The following IRF4 variants were observed in gnomAD, a reference collection of about 807,000 sequenced individuals.
The protein encoded by IRF4 is interferon regulatory factor 4, also known as lymphocyte-specific interferon regulatory factor.
In IRF4, 13 loss-of-function variants were observed where a neutral mutation model predicts 55.5. The ratio of observed to expected loss-of-function variants is 0.23; its 90% CI spans 0.15 to 0.37. The LOEUF is 0.37. Among genes scored for constraint, IRF4 ranks in the 10% least tolerant of loss-of-function variants. The pLI, the probability that IRF4 is intolerant of heterozygous loss-of-function variation, is 1.00. For synonymous variants in IRF4, 249 were observed against 240.7 expected, an observed-to-expected ratio of 1.03 and a Z score of -0.32; for missense variants, 397 against 593.8, an observed-to-expected ratio of 0.67 and a Z score of 3.44.
At position 401,454 on chromosome 6, in the gene IRF4, G is replaced by T; in HGVS notation, c.776G>T (p.Arg259Leu). ...CGGCTGCACATCTGCCTGTACTACCGGGAAATCCTCGTGAAGGAGCTGACC... is the reference window on the plus strand; with the variant it reads ...CGGCTGCACATCTGCCTGTACTACCTGGAAATCCTCGTGAAGGAGCTGACC... ...DCRLHICLYY[R>L]EILVKELTTS... The change falls in exon 7 of 9, where the codon CGG (arginine) becomes CTG (leucine). Residue 259 changes from arginine to leucine, a missense_variant. Arg to Leu is a moderately radical substitution (Grantham distance 102). Coordinates refer to ENST00000380956, the MANE Select transcript of IRF4 (RefSeq NM_002460.4). The T allele has an allele frequency of 6.2e-7, 1 of 1,613,582 alleles. No individual in the cohort carries two copies. The highest frequency in any genetic ancestry group is 1.1e-5 in the South Asian group (1 of 91,072).
Position 410,960 on chromosome 6 carries a change from T to A in IRF4, c.*3362T>A, listed in dbSNP as rs1004045567. On this transcript the variant is annotated 3_prime_UTR_variant, in exon 9 of 9. Transcript: ENST00000380956. ...TCGATGCAGGTGGATCTCCTTGAGA[T>A]CCTGATAGCCTGTTACAGGAATGAA... 2 of 231,948 alleles carry A rather than the reference T, an allele frequency of 8.6e-6. No homozygotes were observed. Among genetic ancestry groups the A allele is most frequent in the Admixed American group, 1.1e-4 (2 of 17,604 alleles). 14.4% of individuals were successfully genotyped at this position (231,948 alleles called of 1,614,324 possible).
intron 7 of IRF4, 47 bp downstream of exon 7, chr6:401,824 C>T: frequency 6.4e-7 from 1 of 1,559,704 alleles, no homozygotes; most frequent in Non-Finnish European, 8.8e-7. Context: ...GATGGCCTGC[C>T]TGCCACAGGG....
chr6:394,504 A>G (rs1450226502), intron 2 of IRF4, among the ~76,000 whole-genome samples: 2 of 152,230 alleles, frequency 1.3e-5, no homozygotes, highest in Non-Finnish European at 2.9e-5. Context: ...ATGGTGGCTC[A>G]CACCTGTAAT....
chr6:410,356 A>G lies in IRF4; in HGVS notation c.*2758A>G, dbSNP rs1274450934. 3 of 228,340 alleles carry G rather than the reference A, an allele frequency of 1.3e-5. No homozygotes were observed. The East Asian group carries it at 1.9e-4, about 14-fold the overall frequency. The allele number at this position is 228,340 out of a possible 1,614,324, so 14.1% of individuals were successfully genotyped here. A position where few individuals can be genotyped will look rare whatever the true frequency, so the allele number is the denominator to read the frequency against. On this transcript the variant is annotated 3_prime_UTR_variant, in exon 9 of 9. Transcript: ENST00000380956. ...AGAACCAAGTGACCGACTCATTTAC[A>G]ACTGAAACCTAGGAAGCCCCTGAGT...
chr6:408,447 A>G lies in IRF4; in HGVS notation c.*849A>G, dbSNP rs1761609909. On this transcript the variant is annotated 3_prime_UTR_variant, in exon 9 of 9. Coordinates refer to ENST00000380956, the MANE Select transcript of IRF4 (RefSeq NM_002460.4). ...CTGGAAGCCAGTTAGTAAACTTCCT[A>G]TTTTCTTGAGTCAAAAAACATGAGC... The G allele has an allele frequency of 4.4e-6, 1 of 229,224 alleles. No homozygotes were observed. The highest frequency in any genetic ancestry group is 8.6e-6 in the Non-Finnish European group (1 of 115,786). 14.2% of individuals were successfully genotyped at this position (229,224 alleles called of 1,614,324 possible).
At chr6:392,830 G>A (rs1017322295) in intron 1 of IRF4, among the ~76,000 whole-genome samples, 1 of 152,230 alleles carries the variant, frequency 6.6e-6, no homozygotes, top group African/African-American at 2.4e-5. Context: ...GGAGCCTTTG[G>A]GCTGCGGGTG....
At chr6:406,241 G>A (rs2127442384) in intron 8 of IRF4, among the ~76,000 whole-genome samples, 1 of 152,350 alleles carries the variant, frequency 6.6e-6, no homozygotes, top group Admixed American at 6.5e-5. Flanking sequence ...TTGATAAGCA[G>A]CATTTAAGAA....
chr6:401,391 C>T (rs1282081888), intron 6 of IRF4, 33 bp from the exon 7 acceptor site: 1 of 1,559,978 alleles, frequency 6.4e-7, no homozygotes, highest in Middle Eastern at 2.1e-4. Flanking sequence ...GTCCTTGGCC[C>T]CCAGCACTGA....
At position 391,784 on chromosome 6, in the gene IRF4, G is replaced by A. The variant is rs192541567; in HGVS notation, c.-81G>A. The A allele has an allele frequency of 1.9e-3, 870 of 455,892 alleles. 12 individuals carry two copies. Among genetic ancestry groups the A allele is most frequent in the South Asian group, 0.012 (778 of 64,546 alleles). The allele number at this position is 455,892 out of a possible 1,614,324, so 28.2% of individuals were successfully genotyped here. A position where few individuals can be genotyped will look rare whatever the true frequency, so the allele number is the denominator to read the frequency against. On this transcript the variant is annotated 5_prime_UTR_variant, in exon 1 of 9. Transcript: ENST00000380956. The stretch of plus-strand genomic sequence containing the variant: ...CCGCTCGATCTTGGGACCCACCGCT[G>A]CCCTCAGCTCCGAGTCCAGGGCGAG...
At chr6:406,900 G>A (rs570146582) in intron 8 of IRF4, 1 of 1,080,842 alleles carries the variant, frequency 9.3e-7, no homozygotes, top group East Asian at 9.3e-5. Flanking sequence ...TTGTTTTTTG[G>A]TGAGTGTGAT....
Position 409,849 on chromosome 6 carries a change from T to C in IRF4, c.*2251T>C. 4.3e-6 allele frequency: 1 copy of C among 230,096 alleles called. No homozygotes were observed. Among genetic ancestry groups the C allele is most frequent in the Non-Finnish European group, 8.6e-6 (1 of 115,894 alleles). 14.3% of individuals were successfully genotyped at this position (230,096 alleles called of 1,614,324 possible). ...CTGTCTTCTTAATTCTCCAAGCGGA[T>C]GCTCCATTTCAATTGCTTTGTGACT... On this transcript the variant is annotated 3_prime_UTR_variant, in exon 9 of 9. Coordinates refer to ENST00000380956, the MANE Select transcript of IRF4 (RefSeq NM_002460.4).
At position 401,642 on chromosome 6, in the gene IRF4, G is replaced by A. The variant is rs1210576093; in HGVS notation, c.964G>A (p.Asp322Asn). The part of the protein sequence containing the change: ...ERGVVLWMAP[D>N]GLYAKRLCQS... Reference sequence around the variant, plus strand: ...GGGCGTGGTCCTCTGGATGGCCCCCGACGGGCTCTATGCGAAAAGACTGTG... The same window carrying A: ...GGGCGTGGTCCTCTGGATGGCCCCCAACGGGCTCTATGCGAAAAGACTGTG... The change falls in exon 7 of 9, where the codon GAC becomes AAC. Residue 322 changes from aspartate to asparagine, a missense_variant. Around this residue, in one of 3 missense-constraint regions of IRF4, gnomAD observed 341 missense variants for 548.1 expected, o/e 0.62. Transcript: ENST00000380956. The A allele has an allele frequency of 8.7e-6, 14 of 1,614,110 alleles. No individual in the cohort carries two copies. Among genetic ancestry groups the A allele is most frequent in the African/African-American group, 2.7e-5 (2 of 74,954 alleles).
intron 4 of IRF4, 151 bp downstream of exon 4, chr6:396,086 T>G: frequency 1.6e-6 from 1 of 621,444 alleles, no homozygotes; most frequent in Non-Finnish European, 2.8e-6. Context: ...ACTGAACGAA[T>G]GTCTCACTTT....
chr6:392,903 G>T (rs918983890), intron 1 of IRF4, among the ~76,000 whole-genome samples, 195 bp from the exon 2 acceptor site: 1 of 151,756 alleles, frequency 6.6e-6, no homozygotes, highest in East Asian at 1.9e-4. Flanking sequence ...GCGGACGGCT[G>T]TGCCCGCCCA....
intron 1 of IRF4, among the ~76,000 whole-genome samples, chr6:392,811 C>T (rs1176525512): frequency 6.6e-6 from 1 of 152,152 alleles, no homozygotes; most frequent in Non-Finnish European, 1.5e-5. Flanking sequence ...AGACGAGCGG[C>T]GCGTGTCGGG....
chr6:408,593 G>A lies in IRF4; in HGVS notation c.*995G>A, dbSNP rs776118956. 3.5e-5 allele frequency: 8 copies of A among 228,702 alleles called. No homozygotes were observed. The highest frequency in any genetic ancestry group is 4.4e-5 in the African/African-American group (2 of 45,158). The allele number at this position is 228,702 out of a possible 1,614,324, so 14.2% of individuals were successfully genotyped here. ...TTCTTTAGAGATGCTAAAATTCTTC[G>A]CATAAAGAAGAAGAAATTAAGGAAC... On this transcript the variant is annotated 3_prime_UTR_variant, in exon 9 of 9. Coordinates refer to ENST00000380956, the MANE Select transcript of IRF4 (RefSeq NM_002460.4).
chr6:400,607 T>C (rs1761370275), intron 6 of IRF4, among the ~76,000 whole-genome samples: 2 of 152,162 alleles, frequency 1.3e-5, no homozygotes, highest in Non-Finnish European at 2.9e-5. Flanking sequence ...ATATCCAGTG[T>C]GGAAAACTAA....
In IRF4 at chr6:395,091, C is replaced by G; in HGVS notation, c.403+84C>G. ...TTAACTTCATTCTGAGCATCACTTT[C>G]TAGCTTTCCTTTTGTATTGCCTGCC... On this transcript the variant is annotated intron_variant, in intron 3 of 8. Coordinates refer to ENST00000380956, the MANE Select transcript of IRF4 (RefSeq NM_002460.4). The G allele has an allele frequency of 4.5e-6, 5 of 1,116,934 alleles. No homozygotes were observed. In the South Asian group the frequency reaches 8.2e-5, roughly 18 times the overall value. The allele number at this position is 1,116,934 out of a possible 1,614,324, so 69.2% of individuals were successfully genotyped here.
In IRF4 at chr6:408,615, G is replaced by A. The variant is rs548971147; in HGVS notation, c.*1017G>A. Reference sequence around the variant, plus strand: ...TTCGCATAAAGAAGAAGAAATTAAGGAACATAAATCTTAATACTTGAACTG... The same window carrying A: ...TTCGCATAAAGAAGAAGAAATTAAGAAACATAAATCTTAATACTTGAACTG... On this transcript the variant is annotated 3_prime_UTR_variant, in exon 9 of 9. Coordinates refer to ENST00000380956, the MANE Select transcript of IRF4 (RefSeq NM_002460.4). 55 of 229,548 alleles carry A rather than the reference G, an allele frequency of 2.4e-4. No individual in the cohort carries two copies. The highest frequency in any genetic ancestry group is 1.3e-3 in the Middle Eastern group (1 of 762). 14.2% of individuals were successfully genotyped at this position (229,548 alleles called of 1,614,324 possible). A position where few individuals can be genotyped will look rare whatever the true frequency, so the allele number is the denominator to read the frequency against.
Sources: allele counts gnomAD v4.1 joint callset (sites outside exome capture counted in the v4.1 genomes callset), GRCh38; gene constraint gnomAD v4.1.1; regional missense constraint gnomAD v4.1.1; transcripts MANE v1.5; gene names NCBI Gene and HGNC (gene_info 2026-07-23, HGNC 2026-07-21).